Variants in DNTTIP1 observed in about 807,000 individuals in gnomAD.
The protein encoded by DNTTIP1 is deoxynucleotidyltransferase terminal interacting protein 1.
DNTTIP1 carries 22 observed loss-of-function variants against 52.9 expected under a neutral mutation model. That is an observed-to-expected ratio of 0.42 (90% CI 0.30 to 0.59). The LOEUF (loss-of-function observed/expected upper bound fraction) is 0.59, where lower values mean the gene tolerates loss of function less well. DNTTIP1 is among the 20% of genes least tolerant of loss of function. DNTTIP1 has a pLI of 0.22. For synonymous variants in DNTTIP1, 136 were observed against 155.1 expected (o/e 0.88, Z 0.92); for missense variants, 286 against 435.5 (o/e 0.66, Z 3.06).
chr20:45,800,694 AATATATATAT>A lies in DNTTIP1; in HGVS notation c.373-327_373-318del, dbSNP rs1158615012. Reference sequence around the variant, plus strand: ...CATCTCAATTTAAAAAAAAAAAAAAAATATATATATATATATATATATATATATATATATA... The same window carrying A: ...CATCTCAATTTAAAAAAAAAAAAAAAATATATATATATATATATATATATA... On this transcript the variant is annotated intron_variant, in intron 4 of 12. Transcript: ENST00000372622. Among the ~76,000 whole-genome samples, 86 of 16,312 alleles carry A rather than the reference AATATATATAT, an allele frequency of 5.3e-3. 1 individual carries two copies. The highest frequency in any genetic ancestry group is 9.6e-3 in the East Asian group (3 of 314). The allele number at this position is 16,312 out of a possible 152,430, so 10.7% of individuals were successfully genotyped here.
At position 45,807,439 on chromosome 20, in the gene DNTTIP1, A is replaced by G. The variant is rs539681016; in HGVS notation, c.724-1675A>G. 1.5e-4 allele frequency among the ~76,000 whole-genome samples: 23 copies of G among 152,224 alleles called. No homozygotes were observed. The South Asian group carries it at 4.4e-3, about 29-fold the overall frequency. On this transcript the variant is annotated intron_variant, in intron 10 of 12. Coordinates refer to ENST00000372622, the MANE Select transcript of DNTTIP1 (RefSeq NM_052951.3). ...CCTGGCCCAACTTTACAAATTCTCT[A>G]TTAGTGATTATAAGTATCTTTTCAG...
chr20:45,801,628 T>TA (rs886376782), intron 6 of DNTTIP1, among the ~76,000 whole-genome samples, 170 bp downstream of exon 6: 46 of 149,322 alleles, frequency 3.1e-4, no homozygotes, highest in African/African-American at 4.7e-4. Context: ...GTCTCTAAAA[T>TA]AAAAAAAAAA....
At chr20:45,805,268 C>T (rs1981595887) in intron 9 of DNTTIP1, 38 bp from the exon 10 acceptor site, 2 of 1,614,170 alleles carry the variant, frequency 1.2e-6, no homozygotes, top group East Asian at 4.5e-5. Flanking sequence ...TAGGACTACA[C>T]TTTCTGGAAT....
intron 4 of DNTTIP1, among the ~76,000 whole-genome samples, chr20:45,800,119 CAAAAAAA>C (rs373126106): frequency 2.0e-4 from 24 of 121,932 alleles, no homozygotes; most frequent in Admixed American, 3.4e-4. Flanking sequence ...GATTCCATGT[CAAAAAAA>C]AAAAGAAAAA....
In DNTTIP1 at chr20:45,809,022, A is replaced by C. The variant is rs1568710469; in HGVS notation, c.724-92A>C. 6.2e-6 allele frequency: 7 copies of C among 1,134,250 alleles called. No individual in the cohort carries two copies. Among genetic ancestry groups the C allele is most frequent in the Admixed American group, 3.8e-5 (2 of 52,694 alleles). 70.3% of individuals were successfully genotyped at this position (1,134,250 alleles called of 1,614,324 possible). A position where few individuals can be genotyped will look rare whatever the true frequency, so the allele number is the denominator to read the frequency against. On this transcript the variant is annotated intron_variant, in intron 10 of 12. Transcript: ENST00000372622. The surrounding 1 kb of genome is among the most constrained non-coding windows in gnomAD (Gnocchi z 4.2). ...CGCTTGGAGACAAGGACTTTTGGTA[A>C]GAACTGCTCAAGGGCCAAGAGTATG...
intron 8 of DNTTIP1, 126 bp downstream of exon 8, chr20:45,803,504 C>A (rs1325511385): frequency 2.1e-6 from 2 of 965,490 alleles, no homozygotes; most frequent in Non-Finnish European, 3.1e-6. Flanking sequence ...AGCCATCTGC[C>A]CCTCTCCACC....
At chr20:45,795,171 G>A (rs980455120) in intron 3 of DNTTIP1, among the ~76,000 whole-genome samples, 174 bp from the exon 4 acceptor site, 2 of 152,310 alleles carry the variant, frequency 1.3e-5, no homozygotes, top group African/African-American at 2.4e-5. Flanking sequence ...GGGAATAAAG[G>A]GAGGAGGTCA....
intron 4 of DNTTIP1, among the ~76,000 whole-genome samples, chr20:45,796,876 G>T: frequency 6.6e-6 from 1 of 152,044 alleles, no homozygotes; most frequent in East Asian, 1.9e-4. Flanking sequence ...GCGTTTCTTG[G>T]AATGCTCCTC....
chr20:45,802,050 G>A lies in DNTTIP1; in HGVS notation c.550G>A (p.Gly184Ser), dbSNP rs575335661. The stretch of plus-strand genomic sequence containing the variant: ...CCTGTCAAGCGACCGGGCAGCCGCC[G>A]GCATGGTGTGAGTAGGGACCAACAG... The part of the protein sequence containing the change: ...HILSSDRAAA[G>S]MVWKPKSCEP... Residue 184 changes from glycine to serine, a missense_variant, in exon 7 of 13, where the codon GGC (glycine) becomes AGC (serine). Gly to Ser is a moderately conservative substitution (Grantham distance 56). Around this residue, in one of 2 missense-constraint regions of DNTTIP1, gnomAD observed 208 missense variants for 266.5 expected, o/e 0.78. Coordinates refer to ENST00000372622, the MANE Select transcript of DNTTIP1 (RefSeq NM_052951.3). 8.8e-5 allele frequency: 142 copies of A among 1,614,100 alleles called. No homozygotes were observed. The highest frequency in any genetic ancestry group is 1.1e-4 in the Non-Finnish European group (133 of 1,180,026).
At chr20:45,806,734 C>T (rs900315798) in intron 10 of DNTTIP1, among the ~76,000 whole-genome samples, 3 of 152,236 alleles carry the variant, frequency 2.0e-5, no homozygotes, top group South Asian at 2.1e-4. Context: ...CTGATATCCT[C>T]GAGTCCCAAC....
chr20:45,805,598 C>T (rs1042621359), intron 10 of DNTTIP1, among the ~76,000 whole-genome samples: 2 of 152,190 alleles, frequency 1.3e-5, no homozygotes, highest in Non-Finnish European at 2.9e-5. Flanking sequence ...AGTTTTAAAT[C>T]CCACACTTAT....
At chr20:45,793,452 C>A (rs1981113479) in intron 2 of DNTTIP1, among the ~76,000 whole-genome samples, 1 of 152,174 alleles carries the variant, frequency 6.6e-6, no homozygotes, top group Non-Finnish European at 1.5e-5. Context: ...GTAATCCCAG[C>A]ACTTTGGGAG....
At chr20:45,810,801 C>T (rs1981810755) in intron 11 of DNTTIP1, 84 bp from the exon 12 acceptor site, 2 of 1,323,002 alleles carry the variant, frequency 1.5e-6, no homozygotes, top group Admixed American at 1.7e-5. Flanking sequence ...GCAGGCCTTA[C>T]ATTAAACAGA....
chr20:45,801,029 C>A lies in DNTTIP1; in HGVS notation c.373-45C>A, dbSNP rs1461222523. ...AAAGGAAGTAGGTAGGGTGTGCTTACCCACCAAAATAGTGACTGGTAACAC... is the reference window on the plus strand; with the variant it reads ...AAAGGAAGTAGGTAGGGTGTGCTTAACCACCAAAATAGTGACTGGTAACAC... On this transcript the variant is annotated intron_variant, in intron 4 of 12. Transcript: ENST00000372622. The A allele has an allele frequency of 4.5e-6, 7 of 1,558,580 alleles. No homozygotes were observed. In the Admixed American group the frequency reaches 8.4e-5, roughly 19 times the overall value.
chr20:45,794,271 C>T (rs76223218), intron 3 of DNTTIP1, among the ~76,000 whole-genome samples: 1,730 of 152,264 alleles, frequency 0.011, 42 homozygotes, highest in African/African-American at 0.039. Flanking sequence ...GCCTCAGCCT[C>T]CCTAGTGGCT....
Position 45,792,827 on chromosome 20 carries a change from A to G in DNTTIP1, c.176+80A>G. 3.9e-6 allele frequency: 5 copies of G among 1,272,038 alleles called. No individual in the cohort carries two copies. The South Asian group carries it at 4.2e-5, about 11-fold the overall frequency. The allele number at this position is 1,272,038 out of a possible 1,614,324, so 78.8% of individuals were successfully genotyped here. The stretch of plus-strand genomic sequence containing the variant: ...TTTGGGATCCCCAGTGCACAAGGCT[A>G]TGGAGATCTACAGCCGGTAGAAAGA... On this transcript the variant is annotated intron_variant, in intron 2 of 12. Coordinates refer to ENST00000372622, the MANE Select transcript of DNTTIP1 (RefSeq NM_052951.3).
chr20:45,792,096 A>G lies in DNTTIP1; in HGVS notation c.92A>G (p.Gln31Arg), dbSNP rs1981035553. ...LELGDAGAAG[Q>R]LVLTNPWNIM... ...CTGGGGGATGCGGGCGCAGCGGGGC[A>G]GCTGGTTCTTACGGTGAGGGCGCCC... The change falls in exon 1 of 13, where the codon CAG (glutamine) becomes CGG (arginine). Residue 31 changes from glutamine to arginine, a missense_variant. Coordinates refer to ENST00000372622, the MANE Select transcript of DNTTIP1 (RefSeq NM_052951.3). 1 of 1,285,050 alleles carries G rather than the reference A, an allele frequency of 7.8e-7. No homozygotes were observed. Among genetic ancestry groups the G allele is most frequent in the South Asian group, 3.3e-5 (1 of 30,270 alleles). 79.6% of individuals were successfully genotyped at this position (1,285,050 alleles called of 1,614,324 possible). A position where few individuals can be genotyped will look rare whatever the true frequency, so the allele number is the denominator to read the frequency against.
intron 1 of DNTTIP1, among the ~76,000 whole-genome samples, chr20:45,792,319 C>A (rs1338949911): frequency 6.6e-6 from 1 of 152,184 alleles, no homozygotes; most frequent in Non-Finnish European, 1.5e-5. Context: ...TCCCAGGATC[C>A]TCTTCTATAA....
intron 7 of DNTTIP1, among the ~76,000 whole-genome samples, chr20:45,802,369 C>A (rs1032900399): frequency 1.4e-4 from 21 of 152,260 alleles, no homozygotes; most frequent in African/African-American, 4.8e-4. Context: ...TTTATAGCCA[C>A]CCTGTAAAGA....
Sources: gnomAD v4.1 joint callset for allele counts (sites outside exome capture counted in the v4.1 genomes callset) on GRCh38, gnomAD v4.1.1 for gene constraint, gnomAD v4.1.1 regional missense constraint, Gnocchi (gnomAD v3.1) non-coding constraint, MANE v1.5 for transcripts, NCBI Gene and HGNC (gene_info 2026-07-23, HGNC 2026-07-21) for gene names.